The following EPHA3 variants were observed in gnomAD, a reference collection of about 807,000 sequenced individuals.
The protein encoded by EPHA3 is ephrin type-A receptor 3.
In EPHA3, 42 loss-of-function variants were observed where a neutral mutation model predicts 107.1. The observed-to-expected ratio is 0.39, with a 90% CI of 0.31 to 0.51. EPHA3 has a LOEUF of 0.51. EPHA3 is among the 20% of genes least tolerant of loss of function. EPHA3 has a pLI of 0.78. For synonymous variants in EPHA3, 461 were observed against 424.8 expected (o/e 1.09, Z -1.05); for missense variants, 1,183 against 1,211.2 (o/e 0.98, Z 0.35).
rs1011765130 is a variant in EPHA3, at chr3:89,140,939, C to G, written c.153+13666C>G. Among the ~76,000 whole-genome samples the G allele has an allele frequency of 5.9e-5, 9 of 151,758 alleles. No homozygotes were observed. The East Asian group carries it at 1.4e-3, about 23-fold the overall frequency. ...TAATATTTCTCTAAAGGGCTATATACTATTCCTAGTGCTTTCGATATATCA... is the reference window on the plus strand; with the variant it reads ...TAATATTTCTCTAAAGGGCTATATAGTATTCCTAGTGCTTTCGATATATCA... On this transcript the variant is annotated intron_variant, in intron 2 of 16. Coordinates refer to ENST00000336596, the MANE Select transcript of EPHA3 (RefSeq NM_005233.6).
At position 89,479,524 on chromosome 3, in the gene EPHA3, T is replaced by G. The variant is rs773590462; in HGVS notation, c.*22T>G. The G allele has an allele frequency of 6.4e-7, 1 of 1,573,764 alleles. No homozygotes were observed. The highest frequency in any genetic ancestry group is 1.1e-5 in the South Asian group (1 of 90,178). The stretch of plus-strand genomic sequence containing the variant: ...GTAAAGCACGGGACGGAAGTGCTTC[T>G]GGACGGAAGTGGTGGCTGTGGAAGG... On this transcript the variant is annotated 3_prime_UTR_variant, in exon 17 of 17. Transcript: ENST00000336596.
At chr3:89,132,848 C>G (rs935793773) in intron 2 of EPHA3, among the ~76,000 whole-genome samples, 1 of 152,134 alleles carries the variant, frequency 6.6e-6, no homozygotes, top group African/African-American at 2.4e-5. Context: ...TACGACTGAG[C>G]CGCTGCACTC....
chr3:89,150,791 T>A (rs1468018735), intron 2 of EPHA3, among the ~76,000 whole-genome samples: 1 of 152,058 alleles, frequency 6.6e-6, no homozygotes, highest in Non-Finnish European at 1.5e-5. Flanking sequence ...ACTTGTAATT[T>A]GACATTTTTA....
rs567364240 is a variant in EPHA3, at chr3:89,184,424, T to C, written c.154-25436T>C. The stretch of plus-strand genomic sequence containing the variant: ...CATTCATTGGGCTGGTTGTTTACAT[T>C]GGCATTAATCTAATTACATTCCGGT... On this transcript the variant is annotated intron_variant, in intron 2 of 16. Coordinates refer to ENST00000336596, the MANE Select transcript of EPHA3 (RefSeq NM_005233.6). Among the ~76,000 whole-genome samples the C allele has an allele frequency of 7.9e-5, 12 of 152,168 alleles. No individual in the cohort carries two copies. The South Asian group carries it at 2.5e-3, about 32-fold the overall frequency.
intron 3 of EPHA3, among the ~76,000 whole-genome samples, chr3:89,280,551 T>C (rs1171002462): frequency 6.6e-6 from 1 of 152,146 alleles, no homozygotes; most frequent in Non-Finnish European, 1.5e-5. Context: ...GAATGATTGT[T>C]TTCAGAGAGT....
intron 3 of EPHA3, among the ~76,000 whole-genome samples, chr3:89,334,592 T>C (rs1008206161): frequency 6.6e-6 from 1 of 152,178 alleles, no homozygotes; most frequent in Non-Finnish European, 1.5e-5. Flanking sequence ...TGCAAATAAT[T>C]CACTCACTTT....
intron 3 of EPHA3, among the ~76,000 whole-genome samples, chr3:89,269,619 T>A (rs1169896638): frequency 2.0e-5 from 3 of 151,334 alleles, no homozygotes; most frequent in Non-Finnish European, 2.9e-5. Context: ...TTTTTTTTTT[T>A]ATACTTTAAG....
intron 3 of EPHA3, among the ~76,000 whole-genome samples, chr3:89,296,183 T>G (rs1706349842): frequency 6.6e-6 from 1 of 152,244 alleles, no homozygotes; most frequent in African/African-American, 2.4e-5. Context: ...TATTTTGACA[T>G]CTTCTCCTGA....
chr3:89,446,228 G>A (rs74692146), intron 13 of EPHA3, among the ~76,000 whole-genome samples: 1 of 152,064 alleles, frequency 6.6e-6, no homozygotes, highest in Admixed American at 6.6e-5. Flanking sequence ...AGAACATACT[G>A]TATAAGTCCC....
intron 7 of EPHA3, chr3:89,400,014 G>A (rs1708926026): frequency 3.4e-5 from 35 of 1,038,648 alleles, no homozygotes; most frequent in South Asian, 4.6e-5. Flanking sequence ...GCTAAAATTG[G>A]CCTAAAACTG....
At chr3:89,299,194 A>G (rs917247401) in intron 3 of EPHA3, among the ~76,000 whole-genome samples, 15 of 152,100 alleles carry the variant, frequency 9.9e-5, no homozygotes, top group Non-Finnish European at 1.9e-4. Flanking sequence ...GCCACTTTGA[A>G]CAAGAATAAT....
intron 3 of EPHA3, among the ~76,000 whole-genome samples, chr3:89,283,568 A>G (rs1354134381): frequency 1.3e-5 from 2 of 152,166 alleles, no homozygotes; most frequent in Non-Finnish European, 1.5e-5. Context: ...ACCAATGATG[A>G]CATTTTACAT....
chr3:89,440,000 G>A (rs1440951409), intron 13 of EPHA3, among the ~76,000 whole-genome samples: 1 of 152,030 alleles, frequency 6.6e-6, no homozygotes, highest in African/African-American at 2.4e-5. Flanking sequence ...GATCTCAAAA[G>A]TTCGAAGAAT....
chr3:89,338,002 G>A (rs903327993), intron 3 of EPHA3, among the ~76,000 whole-genome samples: 5 of 152,146 alleles, frequency 3.3e-5, no homozygotes. Context: ...CCATAATCAA[G>A]GCTGGAATAA....
At chr3:89,357,998 A>C (rs1708003370) in intron 5 of EPHA3, among the ~76,000 whole-genome samples, 1 of 151,320 alleles carries the variant, frequency 6.6e-6, no homozygotes, top group Admixed American at 6.6e-5. Context: ...TAGGTTTTAC[A>C]ACTATTCATA....
intron 5 of EPHA3, among the ~76,000 whole-genome samples, chr3:89,351,958 A>G (rs1707833273): frequency 6.6e-6 from 1 of 150,554 alleles, no homozygotes; most frequent in Non-Finnish European, 1.5e-5. Context: ...AAGGAAGAAG[A>G]CCAACACTTA....
chr3:89,200,515 C>A (rs574371918), intron 2 of EPHA3, among the ~76,000 whole-genome samples: 1 of 152,266 alleles, frequency 6.6e-6, no homozygotes, highest in African/African-American at 2.4e-5. Flanking sequence ...AAGCTCTTCT[C>A]TTTTTTATTC....
At chr3:89,415,790 AATTTT>A (rs1015741590) in intron 10 of EPHA3, among the ~76,000 whole-genome samples, 32 of 151,436 alleles carry the variant, frequency 2.1e-4, no homozygotes, top group African/African-American at 7.7e-4. Context: ...CATGATATTT[AATTTT>A]ATTATCCTTT....
intron 2 of EPHA3, among the ~76,000 whole-genome samples, chr3:89,206,440 T>G (rs934437126): frequency 6.6e-6 from 1 of 152,210 alleles, no homozygotes; most frequent in African/African-American, 2.4e-5. Flanking sequence ...AATCTTGACT[T>G]AAGAAATTTA....
Sources: allele counts gnomAD v4.1 joint callset (sites outside exome capture counted in the v4.1 genomes callset), GRCh38; gene constraint gnomAD v4.1.1; transcripts MANE v1.5; gene names NCBI Gene and HGNC (gene_info 2026-07-23, HGNC 2026-07-21).